Variants in MAP2K5 observed in about 807,000 individuals in gnomAD.
MAP2K5 encodes dual specificity mitogen-activated protein kinase kinase 5.
In MAP2K5, 49 loss-of-function variants were observed where a neutral mutation model predicts 83.1. The ratio of observed to expected loss-of-function variants is 0.59; its 90% confidence interval spans 0.47 to 0.75. The LOEUF is 0.75. MAP2K5 is among the 30% of genes least tolerant of loss of function. The probability of loss-of-function intolerance (pLI) is 0.00; values close to 1 mark genes in which losing one functional copy is unlikely to be tolerated. For synonymous variants in MAP2K5, 202 were observed against 191.8 expected, an observed-to-expected ratio of 1.05 and a Z score of -0.44; for missense variants, 457 against 557.5, an observed-to-expected ratio of 0.82 and a Z score of 1.82.
In MAP2K5 at chr15:67,746,680, G is replaced by A. The variant is rs1054282455; in HGVS notation, c.1075-1551G>A. On this transcript the variant is annotated intron_variant, in intron 17 of 21. Coordinates refer to ENST00000178640, the MANE Select transcript of MAP2K5 (RefSeq NM_145160.3). This position sits in a 1 kb window ranked among gnomAD's most constrained non-coding sequence, Gnocchi z 4.1. ...AGAAACCAGAAGAAGCAGTAATTCA[G>A]GACAACATCAAGCAGGGACTATCAA... 6.6e-6 allele frequency among the ~76,000 whole-genome samples: 1 copy of A among 152,190 alleles called. No homozygotes were observed. Among genetic ancestry groups the A allele is most frequent in the South Asian group, 2.1e-4 (1 of 4,832 alleles).
Position 67,609,551 on chromosome 15 carries a change from G to T in MAP2K5, c.545+8802G>T. Reference sequence around the variant, plus strand: ...TAGATTCTGTAGACCTATTCTATAGGTCTGTAGATTCTGTAGACCTATTCT... The same window carrying T: ...TAGATTCTGTAGACCTATTCTATAGTTCTGTAGATTCTGTAGACCTATTCT... On this transcript the variant is annotated intron_variant, in intron 8 of 21. Coordinates refer to ENST00000178640, the MANE Select transcript of MAP2K5 (RefSeq NM_145160.3). 3.8e-5 allele frequency among the ~76,000 whole-genome samples: 2 copies of T among 52,660 alleles called. 1 individual carries two copies. 34.5% of individuals were successfully genotyped at this position (52,660 alleles called of 152,430 possible).
chr15:67,681,996 C>T (rs1039980232), intron 13 of MAP2K5, among the ~76,000 whole-genome samples: 6 of 152,178 alleles, frequency 3.9e-5, no homozygotes, highest in Non-Finnish European at 1.5e-5. Flanking sequence ...GCTTTGCTTA[C>T]AGAAGAAAGG....
intron 8 of MAP2K5, among the ~76,000 whole-genome samples, chr15:67,619,098 A>T (rs887665790): frequency 3.3e-5 from 5 of 152,148 alleles, no homozygotes; most frequent in Non-Finnish European, 7.3e-5. Context: ...TGTCAAGCAC[A>T]CATTTCCACC....
chr15:67,669,967 A>C (rs1300687953), intron 13 of MAP2K5, among the ~76,000 whole-genome samples: 1 of 152,188 alleles, frequency 6.6e-6, no homozygotes, highest in Non-Finnish European at 1.5e-5. Flanking sequence ...AAAGGAAAAC[A>C]TATGTCCACA....
At chr15:67,641,553 G>T in intron 9 of MAP2K5, 1 of 997,158 alleles carries the variant, frequency 1.0e-6, no homozygotes, top group Non-Finnish European at 1.2e-6. Context: ...TTTAAATTGA[G>T]CACAGAGTAA....
chr15:67,750,056 T>C lies in MAP2K5; in HGVS notation c.1134+1455T>C, dbSNP rs2089685887. ...GCATCAAATAGATATTTTCATTCCT[T>C]ATTTAAAGTAACAGTTATTGCTGTT... On this transcript the variant is annotated intron_variant, in intron 19 of 21. Coordinates refer to ENST00000178640, the MANE Select transcript of MAP2K5 (RefSeq NM_145160.3). This position sits in a 1 kb window ranked among gnomAD's most constrained non-coding sequence, Gnocchi z 4.2. Among the ~76,000 whole-genome samples, 1 of 152,244 alleles carries C rather than the reference T, an allele frequency of 6.6e-6. No individual in the cohort carries two copies. Among genetic ancestry groups the C allele is most frequent in the Non-Finnish European group, 1.5e-5 (1 of 68,044 alleles).
chr15:67,556,450 G>GTTAT (rs1277144939), intron 2 of MAP2K5, among the ~76,000 whole-genome samples: 2 of 151,852 alleles, frequency 1.3e-5, no homozygotes, highest in African/African-American at 4.8e-5. Context: ...CACACACACA[G>GTTAT]TTATTTATAT....
chr15:67,694,849 G>A (rs889814475), intron 15 of MAP2K5, among the ~76,000 whole-genome samples: 2 of 151,882 alleles, frequency 1.3e-5, no homozygotes, highest in Non-Finnish European at 2.9e-5. Flanking sequence ...GCAAAGACTT[G>A]GAACCAACCC....
At chr15:67,715,549 T>C (rs1033652009) in intron 16 of MAP2K5, among the ~76,000 whole-genome samples, 4 of 152,220 alleles carry the variant, frequency 2.6e-5, no homozygotes, top group African/African-American at 9.6e-5. Flanking sequence ...CAGCTAAGCA[T>C]TTTGTTATTT....
chr15:67,560,306 G>C (rs2084707994), intron 2 of MAP2K5, among the ~76,000 whole-genome samples: 5 of 152,172 alleles, frequency 3.3e-5, no homozygotes, highest in Admixed American at 3.3e-4. Context: ...TCTTCTCATG[G>C]GTATGGTTAC....
intron 7 of MAP2K5, among the ~76,000 whole-genome samples, chr15:67,595,330 C>T (rs757291083): frequency 4.9e-4 from 75 of 152,106 alleles, no homozygotes; most frequent in Admixed American, 1.8e-3. Flanking sequence ...CTGTGTTTTC[C>T]GATTAGTCTC....
At position 67,801,170 on chromosome 15, in the gene MAP2K5, A is replaced by T. The variant is rs1342296785; in HGVS notation, c.1243-5476A>T. Reference sequence around the variant, plus strand: ...GTGTTATCACAGCCAAGCGGGCTGGAATCCTAAAGGGAGATGCATAGAGCC... The same window carrying T: ...GTGTTATCACAGCCAAGCGGGCTGGTATCCTAAAGGGAGATGCATAGAGCC... On this transcript the variant is annotated intron_variant, in intron 21 of 21. Transcript: ENST00000178640. The surrounding 1 kb of genome is among the most constrained non-coding windows in gnomAD (Gnocchi z 4.8). 6.6e-6 allele frequency among the ~76,000 whole-genome samples: 1 copy of T among 152,184 alleles called. No homozygotes were observed. Among genetic ancestry groups the T allele is most frequent in the African/African-American group, 2.4e-5 (1 of 41,440 alleles).
chr15:67,575,702 A>T (rs924269331), intron 3 of MAP2K5, among the ~76,000 whole-genome samples: 1 of 152,160 alleles, frequency 6.6e-6, no homozygotes, highest in Non-Finnish European at 1.5e-5. Context: ...TTGTTTGTTT[A>T]CTGATAAACC....
Position 67,782,484 on chromosome 15 carries a change from C to G in MAP2K5, c.1242+9732C>G, listed in dbSNP as rs112915409. On this transcript the variant is annotated intron_variant, in intron 21 of 21. Transcript: ENST00000178640. The surrounding 1 kb of genome is among the most constrained non-coding windows in gnomAD (Gnocchi z 4.9). ...CTGGAAGGCTAAATATTTCATACAG[C>G]CTGATTTTAGTTAATTTTTTTTTCA... 3.7e-3 allele frequency among the ~76,000 whole-genome samples: 565 copies of G among 152,282 alleles called. 4 individuals are homozygous for G. Among genetic ancestry groups the G allele is most frequent in the African/African-American group, 0.013 (539 of 41,556 alleles).
Position 67,779,206 on chromosome 15 carries a change from A to G in MAP2K5, c.1242+6454A>G, listed in dbSNP as rs959292250. Among the ~76,000 whole-genome samples the G allele has an allele frequency of 6.6e-5, 10 of 152,218 alleles. No individual in the cohort carries two copies. In the East Asian group the frequency reaches 9.6e-4, roughly 15 times the overall value. On this transcript the variant is annotated intron_variant, in intron 21 of 21. Transcript: ENST00000178640. The surrounding 1 kb of genome is among the most constrained non-coding windows in gnomAD (Gnocchi z 4.6). ...CCCACGTAGGGTCCAGCTGACAACC[A>G]TGGAATTTTTTTTTAAGTTCTGAAG... is the stretch of plus-strand genomic sequence containing the variant.
chr15:67,616,519 CAG>C (rs2086059932), intron 8 of MAP2K5, among the ~76,000 whole-genome samples: 1 of 152,144 alleles, frequency 6.6e-6, no homozygotes, highest in Non-Finnish European at 1.5e-5. Flanking sequence ...AATAGAGAAT[CAG>C]GGAATACAGG....
rs544460860 is a variant in MAP2K5 at position 67,760,195 on chromosome 15, C to T, written c.1135-9407C>T. Reference sequence around the variant, plus strand: ...ACTGTTTCTTTAGAAATGACATTAACATTCTACCAAAACACAGCAGTAATC... The same window carrying T: ...ACTGTTTCTTTAGAAATGACATTAATATTCTACCAAAACACAGCAGTAATC... On this transcript the variant is annotated intron_variant, in intron 19 of 21. Transcript: ENST00000178640. The surrounding 1 kb of genome is among the most constrained non-coding windows in gnomAD (Gnocchi z 4.1). 6.6e-6 allele frequency among the ~76,000 whole-genome samples: 1 copy of T among 152,298 alleles called. No homozygotes were observed. The highest frequency in any genetic ancestry group is 2.1e-4 in the South Asian group (1 of 4,824).
intron 1 of MAP2K5, among the ~76,000 whole-genome samples, chr15:67,546,790 A>G (rs539484423): frequency 2.6e-5 from 4 of 152,034 alleles, no homozygotes; most frequent in Non-Finnish European, 5.9e-5. Flanking sequence ...CTGGGCCAGG[A>G]GTGGTGGCTT....
At chr15:67,682,455 T>C (rs62016220) in intron 13 of MAP2K5, among the ~76,000 whole-genome samples, 150,526 of 151,692 alleles carry the variant, frequency 0.99, 74,702 homozygotes, top group Middle Eastern at 1. Context: ...GATCTCCTGA[T>C]CTCATGTTTC....
Sources: allele counts gnomAD v4.1 joint callset (sites outside exome capture counted in the v4.1 genomes callset), GRCh38; gene constraint gnomAD v4.1.1; non-coding constraint Gnocchi (gnomAD v3.1); transcripts MANE v1.5; gene names NCBI Gene and HGNC (gene_info 2026-07-23, HGNC 2026-07-21).